SLC24A2: variants seen among roughly 807,000 people sequenced by gnomAD.
The protein encoded by SLC24A2 is solute carrier family 24 member 2, also known as sodium/potassium/calcium exchanger 2.
SLC24A2 carries 36 observed loss-of-function variants against 62.0 expected under a neutral mutation model. The ratio of observed to expected loss-of-function variants is 0.58; its 90% confidence interval spans 0.44 to 0.77. The LOEUF is 0.77. Among genes scored for constraint, SLC24A2 ranks in the 30% least tolerant of loss-of-function variants. SLC24A2 has a pLI of 0.00. For missense variants in SLC24A2, 846 were observed against 817.9 expected, an observed-to-expected ratio of 1.03 and a Z score of -0.42; for synonymous variants, 358 against 294.0, an observed-to-expected ratio of 1.22 and a Z score of -2.23.
rs542734223 is a variant in SLC24A2, at chr9:19,739,957, A to C, written c.930+45980T>G. 9.2e-5 allele frequency among the ~76,000 whole-genome samples: 14 copies of C among 152,306 alleles called. No homozygotes were observed. The East Asian group carries it at 2.5e-3, about 27-fold the overall frequency. On this transcript the variant is annotated intron_variant, in intron 2 of 10. Coordinates refer to ENST00000341998, the MANE Select transcript of SLC24A2 (RefSeq NM_020344.4). ...CCAGAATATATAAAGAACTCCTACA[A>C]ATCAATTACAGAATATATTCAAAGA... is the stretch of plus-strand genomic sequence containing the variant.
At chr9:19,844,418 C>G in the SLC24A2 span, among the ~76,000 whole-genome samples, 12 of 152,016 alleles carry the variant, frequency 7.9e-5, no homozygotes, top group South Asian at 4.2e-4. Flanking sequence ...GGATATTAAA[C>G]CTTTGTCAGA....
At chr9:19,706,180 T>C (rs1409689777) in intron 2 of SLC24A2, among the ~76,000 whole-genome samples, 1 of 151,424 alleles carries the variant, frequency 6.6e-6, no homozygotes, top group Non-Finnish European at 1.5e-5. Context: ...CCCTTTACCA[T>C]TATGTAATGG....
chr9:19,962,954 C>A, the SLC24A2 span, among the ~76,000 whole-genome samples: 3 of 152,114 alleles, frequency 2.0e-5, no homozygotes, highest in Non-Finnish European at 2.9e-5. Context: ...AAAGGGAATG[C>A]TTCCAGTTTT....
chr9:20,232,519 G>C, the SLC24A2 span, among the ~76,000 whole-genome samples: 3 of 152,168 alleles, frequency 2.0e-5, no homozygotes, highest in Admixed American at 6.5e-5. Flanking sequence ...TAGTTTATTT[G>C]CGTAGAGGTG....
the SLC24A2 span, among the ~76,000 whole-genome samples, chr9:19,829,840 C>A: frequency 8.2e-6 from 1 of 122,120 alleles, no homozygotes; most frequent in Non-Finnish European, 1.8e-5. Context: ...CACACACACA[C>A]ATATATAGAA....
At chr9:20,182,152 A>G in the SLC24A2 span, among the ~76,000 whole-genome samples, 1 of 152,250 alleles carries the variant, frequency 6.6e-6, no homozygotes, top group Non-Finnish European at 1.5e-5. Flanking sequence ...GGATGTGGTT[A>G]AATAGGAACG....
At chr9:19,541,307 C>G (rs887313955) in intron 8 of SLC24A2, among the ~76,000 whole-genome samples, 2 of 150,100 alleles carry the variant, frequency 1.3e-5, no homozygotes, top group African/African-American at 4.9e-5. Flanking sequence ...TCCAGTTTTT[C>G]TGTTCTGTTT....
chr9:19,981,300 G>T, the SLC24A2 span, among the ~76,000 whole-genome samples: 1 of 152,064 alleles, frequency 6.6e-6, no homozygotes, highest in South Asian at 2.1e-4. Context: ...GTCAAGCATT[G>T]TTCTAGTCAC....
chr9:19,769,021 T>C (rs1354019218), intron 2 of SLC24A2, among the ~76,000 whole-genome samples: 5 of 152,230 alleles, frequency 3.3e-5, no homozygotes, highest in African/African-American at 9.7e-5. Flanking sequence ...CTTGTATTTC[T>C]AGTCTGAATT....
chr9:19,601,238 A>G (rs1275018598), intron 4 of SLC24A2, among the ~76,000 whole-genome samples: 1 of 152,174 alleles, frequency 6.6e-6, no homozygotes, highest in Non-Finnish European at 1.5e-5. Context: ...AAATGCACCA[A>G]TTAGTGCTCT....
the SLC24A2 span, among the ~76,000 whole-genome samples, chr9:19,956,035 G>T: frequency 9.6e-4 from 146 of 152,296 alleles, no homozygotes; most frequent in Non-Finnish European, 1.7e-3. Flanking sequence ...AGCCCTAGAG[G>T]TACCACATTA....
chr9:20,272,472 G>C, the SLC24A2 span, among the ~76,000 whole-genome samples: 1 of 152,116 alleles, frequency 6.6e-6, no homozygotes. Context: ...TAGTGTTCTA[G>C]ACTCTACCCT....
intron 2 of SLC24A2, among the ~76,000 whole-genome samples, chr9:19,712,884 C>G (rs1460319322): frequency 6.6e-6 from 1 of 152,150 alleles, no homozygotes; most frequent in Non-Finnish European, 1.5e-5. Context: ...CAGTACCATA[C>G]TTACCCCAGT....
At chr9:20,035,410 C>T in the SLC24A2 span, among the ~76,000 whole-genome samples, 1 of 152,082 alleles carries the variant, frequency 6.6e-6, no homozygotes, top group Non-Finnish European at 1.5e-5. Context: ...CAAGAATATG[C>T]CAGTTCCTGA....
chr9:19,904,351 T>C, the SLC24A2 span, among the ~76,000 whole-genome samples: 15 of 152,324 alleles, frequency 9.8e-5, no homozygotes, highest in East Asian at 2.9e-3. Context: ...AATCACCCTC[T>C]GTAGCCATGT....
the SLC24A2 span, among the ~76,000 whole-genome samples, chr9:20,035,979 G>A: frequency 1.3e-5 from 2 of 152,130 alleles, no homozygotes; most frequent in Non-Finnish European, 2.9e-5. Flanking sequence ...TAAAAGGCAA[G>A]AGAAAGAGAG....
At chr9:19,701,507 T>TA (rs1474872910) in intron 2 of SLC24A2, among the ~76,000 whole-genome samples, 2 of 152,106 alleles carry the variant, frequency 1.3e-5, no homozygotes, top group South Asian at 2.1e-4. Flanking sequence ...ACTGTTGCTG[T>TA]AAAAAAATTA....
chr9:20,051,352 A>G, the SLC24A2 span, among the ~76,000 whole-genome samples: 1 of 152,292 alleles, frequency 6.6e-6, no homozygotes. Flanking sequence ...GAATATATAA[A>G]GGAAAATTGA....
At chr9:20,035,363 G>A in the SLC24A2 span, among the ~76,000 whole-genome samples, 2 of 152,178 alleles carry the variant, frequency 1.3e-5, no homozygotes, top group Non-Finnish European at 2.9e-5. Flanking sequence ...TAATCATTTT[G>A]AACTGTTGGA....
Sources: gnomAD v4.1 joint callset for allele counts (sites outside exome capture counted in the v4.1 genomes callset) on GRCh38, gnomAD v4.1.1 for gene constraint, MANE v1.5 for transcripts, NCBI Gene and HGNC (gene_info 2026-07-23, HGNC 2026-07-21) for gene names.